The following MRTFA variants were observed in gnomAD, a reference collection of about 807,000 sequenced individuals.
MRTFA encodes the protein myocardin-related transcription factor A.
A neutral mutation model predicts 83.5 loss-of-function variants in MRTFA; 20 were observed. That is an observed-to-expected ratio of 0.24 (90% CI 0.17 to 0.35). The LOEUF is 0.35. MRTFA is among the 10% of genes least tolerant of loss of function. MRTFA has a pLI of 1.00. For synonymous variants in MRTFA, 659 were observed against 541.2 expected (o/e 1.22, Z -3.02); for missense variants, 1,200 against 1,224.7 (o/e 0.98, Z 0.30).
At chr22:40,623,318 CT>C (rs133042) in intron 1 of MRTFA, among the ~76,000 whole-genome samples, 62,461 of 150,600 alleles carry the variant, frequency 0.41, 14,070 homozygotes, top group East Asian at 0.87. Context: ...AGGATACTGT[CT>C]TTTTTTTTTA....
intron 1 of MRTFA, among the ~76,000 whole-genome samples, chr22:40,633,938 G>A (rs1218883711): frequency 6.6e-6 from 1 of 152,054 alleles, no homozygotes; most frequent in Non-Finnish European, 1.5e-5. Flanking sequence ...GTTAACTTCT[G>A]TATCCCTAAA....
At chr22:40,492,789 G>T (rs1555983346) in intron 3 of MRTFA, among the ~76,000 whole-genome samples, 1 of 152,180 alleles carries the variant, frequency 6.6e-6, no homozygotes, top group Admixed American at 6.5e-5. Context: ...TTTGAAAAAA[G>T]TCCTATCACA....
At chr22:40,479,965 A>G in intron 3 of MRTFA, among the ~76,000 whole-genome samples, 1 of 152,276 alleles carries the variant, frequency 6.6e-6, no homozygotes, top group South Asian at 2.1e-4. Context: ...TCAAAGAATA[A>G]GCTTATGAAA....
chr22:40,606,170 CT>C lies in MRTFA; in HGVS notation c.-83-11436del, dbSNP rs542960175. 4.3e-4 allele frequency among the ~76,000 whole-genome samples: 65 copies of C among 150,980 alleles called. No individual in the cohort carries two copies. In the South Asian group the frequency reaches 0.013, roughly 30 times the overall value. ...CTAAAGCAAACTCATTTAATTCTCT[CT>C]GAAAAAAAAAAAATTCTCATTCCAA... On this transcript the variant is annotated intron_variant, in intron 1 of 14. Transcript: ENST00000355630.
At chr22:40,632,436 G>A (rs1041534366) in intron 1 of MRTFA, among the ~76,000 whole-genome samples, 23 of 151,074 alleles carry the variant, frequency 1.5e-4, no homozygotes, top group Admixed American at 4.6e-4. Context: ...GGCATGGGCT[G>A]CCACTCCCAG....
At chr22:40,433,346 A>C (rs967671555) in intron 5 of MRTFA, 4 of 152,272 alleles carry the variant, frequency 2.6e-5, no homozygotes, top group African/African-American at 9.6e-5. Flanking sequence ...GAACAAAATC[A>C]GTTTGACAAG....
chr22:40,561,035 CTG>C (rs1289674350), intron 2 of MRTFA, among the ~76,000 whole-genome samples: 1 of 152,100 alleles, frequency 6.6e-6, no homozygotes, highest in Non-Finnish European at 1.5e-5. Flanking sequence ...GGTAAAAAAA[CTG>C]TTTTCAATCA....
Position 40,417,511 on chromosome 22 carries a change from G to T in MRTFA, c.2365-18C>A. The T allele has an allele frequency of 7.6e-7, 1 of 1,324,456 alleles. No homozygotes were observed. Among genetic ancestry groups the T allele is most frequent in the South Asian group, 1.2e-5 (1 of 82,752 alleles). 82.0% of individuals were successfully genotyped at this position (1,324,456 alleles called of 1,614,324 possible). On this transcript the variant is annotated intron_variant, in intron 12 of 14. Transcript: ENST00000355630. Reference sequence around the variant, plus strand: ...GACGAGGGCTGGACAGGAGAGCAGGGAGAGGACCAGTGGCCAGGGGGCTGG... The same window carrying T: ...GACGAGGGCTGGACAGGAGAGCAGGTAGAGGACCAGTGGCCAGGGGGCTGG...
chr22:40,488,523 T>C (rs981512915), intron 3 of MRTFA, among the ~76,000 whole-genome samples: 13 of 151,850 alleles, frequency 8.6e-5, no homozygotes, highest in Non-Finnish European at 1.6e-4. Context: ...TCTCTCTCTT[T>C]TTTTTTAATT....
intron 3 of MRTFA, among the ~76,000 whole-genome samples, chr22:40,544,108 G>GA (rs967738031): frequency 9.9e-5 from 15 of 151,730 alleles, no homozygotes; most frequent in African/African-American, 3.4e-4. Context: ...GAATCCACTT[G>GA]AAAAAAAATT....
chr22:40,424,138 A>G, intron 8 of MRTFA, 68 bp downstream of exon 8: 1 of 1,461,286 alleles, frequency 6.8e-7, no homozygotes, highest in Non-Finnish European at 9.1e-7. Flanking sequence ...GTGGCCCAGG[A>G]GAGAGACCTT....
chr22:40,440,801 A>G (rs565853014), intron 4 of MRTFA, among the ~76,000 whole-genome samples: 1 of 152,312 alleles, frequency 6.6e-6, no homozygotes, highest in Admixed American at 6.5e-5. Flanking sequence ...GACAATGGGG[A>G]GTCAGATCAC....
chr22:40,524,877 G>A (rs988671275), intron 3 of MRTFA, among the ~76,000 whole-genome samples: 1 of 152,028 alleles, frequency 6.6e-6, no homozygotes, highest in African/African-American at 2.4e-5. Context: ...TCGCAATCTC[G>A]GCTCACTGCA....
intron 4 of MRTFA, among the ~76,000 whole-genome samples, chr22:40,436,058 T>C (rs1469251362): frequency 6.6e-6 from 1 of 152,244 alleles, no homozygotes; most frequent in African/African-American, 2.4e-5. Flanking sequence ...CAAACAGTTT[T>C]GGTAGAAACC....
chr22:40,553,823 CT>C (rs2055479898), intron 2 of MRTFA, among the ~76,000 whole-genome samples: 1 of 152,148 alleles, frequency 6.6e-6, no homozygotes, highest in Non-Finnish European at 1.5e-5. Flanking sequence ...CACCATACAC[CT>C]GGAAAAGCTG....
chr22:40,510,631 C>G (rs6001950), intron 3 of MRTFA, among the ~76,000 whole-genome samples: 18,292 of 151,840 alleles, frequency 0.12, 1,257 homozygotes, highest in East Asian at 0.24. Context: ...TAGGAACTGG[C>G]AATACAGAAA....
intron 4 of MRTFA, among the ~76,000 whole-genome samples, chr22:40,443,081 G>A (rs1026217343): frequency 9.2e-5 from 14 of 151,910 alleles, no homozygotes; most frequent in African/African-American, 2.2e-4. Context: ...GCAAAACCCC[G>A]TCTCTACTAA....
At chr22:40,629,413 T>C (rs948519966) in intron 1 of MRTFA, among the ~76,000 whole-genome samples, 2 of 149,350 alleles carry the variant, frequency 1.3e-5, no homozygotes, top group Non-Finnish European at 3.0e-5. Flanking sequence ...ACCACTGCAC[T>C]CCAGCCTGGT....
At chr22:40,478,831 C>T (rs1166718604) in intron 3 of MRTFA, among the ~76,000 whole-genome samples, 1 of 152,140 alleles carries the variant, frequency 6.6e-6, no homozygotes, top group African/African-American at 2.4e-5. Context: ...CACATGGACA[C>T]ACCTTTCATC....
Sources: allele counts gnomAD v4.1 joint callset (sites outside exome capture counted in the v4.1 genomes callset), GRCh38; gene constraint gnomAD v4.1.1; transcripts MANE v1.5; gene names NCBI Gene and HGNC (gene_info 2026-07-23, HGNC 2026-07-21).